Variants in TMIGD2 observed in about 807,000 individuals in gnomAD.
TMIGD2 encodes the protein transmembrane and immunoglobulin domain-containing protein 2.
TMIGD2 carries 18 observed loss-of-function variants against 22.6 expected under a neutral mutation model. The observed-to-expected ratio is 0.80, with a 90% confidence interval of 0.55 to 1.18. The LOEUF (loss-of-function observed/expected upper bound fraction) is 1.18, where lower values mean the gene tolerates loss of function less well. Among genes scored for constraint, TMIGD2 ranks in the 50% most tolerant of loss-of-function variants. TMIGD2 has a pLI of 0.00. For missense variants in TMIGD2, 361 were observed against 378.2 expected (o/e 0.95, Z 0.38); for synonymous variants, 184 against 154.1 (o/e 1.19, Z -1.44).
At chr19:4,294,931 C>T (rs963064202) in intron 2 of TMIGD2, 115 bp from the exon 3 acceptor site, 2 of 1,067,010 alleles carry the variant, frequency 1.9e-6, no homozygotes, top group Non-Finnish European at 2.6e-6. Context: ...TGGATTTGGG[C>T]AAGTGTTCAC....
chr19:4,295,227 C>G (rs951689205), intron 2 of TMIGD2, among the ~76,000 whole-genome samples: 1 of 130,058 alleles, frequency 7.7e-6, no homozygotes, highest in Non-Finnish European at 1.5e-5. Context: ...TGTCACTACG[C>G]TCCAGCCTGG....
intron 1 of TMIGD2, among the ~76,000 whole-genome samples, chr19:4,299,208 C>T (rs1055562866): frequency 6.6e-6 from 1 of 151,850 alleles, no homozygotes; most frequent in Non-Finnish European, 1.5e-5. Context: ...GCAGTGGCAC[C>T]ATCACAGCTC....
Position 4,292,489 on chromosome 19 carries a change from G to A in TMIGD2, c.*110C>T, listed in dbSNP as rs572970606. On this transcript the variant is annotated 3_prime_UTR_variant, in exon 5 of 5. Coordinates refer to ENST00000301272, the Ensembl canonical transcript of TMIGD2. ...TGACCTCAAGTGTTCCACCCGCCTC[G>A]GCTTCCCAAACTGCTGGGATTACAG... 21 of 1,148,076 alleles carry A rather than the reference G, an allele frequency of 1.8e-5. No homozygotes were observed. The Admixed American group carries it at 3.2e-4, about 17-fold the overall frequency. 71.1% of individuals were successfully genotyped at this position (1,148,076 alleles called of 1,614,324 possible). A position where few individuals can be genotyped will look rare whatever the true frequency, so the allele number is the denominator to read the frequency against.
At chr19:4,297,875 G>T in intron 2 of TMIGD2, 111 bp downstream of exon 2, 11 of 1,268,168 alleles carry the variant, frequency 8.7e-6, no homozygotes, top group South Asian at 3.6e-5. Context: ...AAAAAAAAAA[G>T]TTTGATATGA....
At chr19:4,294,200 T>C (rs928879066) in intron 4 of TMIGD2, among the ~76,000 whole-genome samples, 16 of 152,082 alleles carry the variant, frequency 1.1e-4, no homozygotes, top group African/African-American at 3.9e-4. Context: ...CCCAAGTAGC[T>C]GGTATTACAG....
At chr19:4,293,414 C>A (rs1407380611) in intron 4 of TMIGD2, among the ~76,000 whole-genome samples, 1 of 150,910 alleles carries the variant, frequency 6.6e-6, no homozygotes, top group African/African-American at 2.5e-5. Flanking sequence ...GCCCCCGCTA[C>A]TACGTCTGGC....
At chr19:4,295,421 A>C (rs1172248265) in intron 2 of TMIGD2, among the ~76,000 whole-genome samples, 4 of 150,862 alleles carry the variant, frequency 2.7e-5, no homozygotes, top group African/African-American at 9.8e-5. Flanking sequence ...TTAGCCGGCC[A>C]TGGTGGTGGG....
chr19:4,300,812 C>T (rs1188344078), intron 1 of TMIGD2, among the ~76,000 whole-genome samples: 2 of 152,090 alleles, frequency 1.3e-5, no homozygotes, highest in Non-Finnish European at 1.5e-5. Context: ...GTGGCTGGAG[C>T]AGAGTGAGGA....
rs544113829 is a variant in TMIGD2 at position 4,296,588 on chromosome 19, C to T, written c.406+1398G>A. ...CTCCCTGCTCTCTCACAGCTGCCAACGCACAGCCTGGCGCCTCCACCACCC... is the reference window on the plus strand; with the variant it reads ...CTCCCTGCTCTCTCACAGCTGCCAATGCACAGCCTGGCGCCTCCACCACCC... On this transcript the variant is annotated intron_variant, in intron 2 of 4. Coordinates refer to ENST00000301272, the Ensembl canonical transcript of TMIGD2. 3.3e-5 allele frequency among the ~76,000 whole-genome samples: 5 copies of T among 152,302 alleles called. No homozygotes were observed. In the South Asian group the frequency reaches 6.2e-4, roughly 19 times the overall value.
intron 2 of TMIGD2, 59 bp from the exon 3 acceptor site, chr19:4,294,875 A>T: frequency 6.7e-7 from 1 of 1,483,848 alleles, no homozygotes; most frequent in Non-Finnish European, 9.0e-7. Flanking sequence ...CCAAGGACAG[A>T]GCTCACTTGG....
intron 2 of TMIGD2, 24 bp from the exon 3 acceptor site, chr19:4,294,840 C>T (rs373298963): frequency 9.2e-6 from 14 of 1,524,124 alleles, no homozygotes; most frequent in South Asian, 6.6e-5. Flanking sequence ...ATCTATGTCA[C>T]GGGGGTGCCA....
At chr19:4,295,010 G>C (rs528337913) in intron 2 of TMIGD2, among the ~76,000 whole-genome samples, 194 bp from the exon 3 acceptor site, 1 of 151,754 alleles carries the variant, frequency 6.6e-6, no homozygotes, top group Non-Finnish European at 1.5e-5. Flanking sequence ...CCTGTAATCC[G>C]AGCACTCTGG....
exon 5 of TMIGD2, chr19:4,292,698 GGGGCTGGGGCAGGGTCTC>G (rs763999374): frequency 3.7e-5 from 59 of 1,603,632 alleles, no homozygotes; most frequent in Admixed American, 1.4e-4. Context: ...GGCCGGGCCT[GGGGCTGGGGCAGGGTCTC>G]GGGCTGGGGC....
chr19:4,294,924 A>G, intron 2 of TMIGD2, 108 bp from the exon 3 acceptor site: 1 of 1,194,204 alleles, frequency 8.4e-7, no homozygotes, highest in Non-Finnish European at 1.1e-6. Context: ...GGCTTTGTGG[A>G]TTTGGGCAAG....
intron 4 of TMIGD2, 88 bp downstream of exon 4, chr19:4,294,491 C>A (rs890095444): frequency 7.8e-7 from 1 of 1,274,298 alleles, no homozygotes; most frequent in Admixed American, 1.8e-5. Context: ...ATCCTTCCCC[C>A]AGGCGGGAGC....
intron 1 of TMIGD2, among the ~76,000 whole-genome samples, chr19:4,300,950 A>G (rs1265682484): frequency 6.6e-6 from 1 of 151,186 alleles, no homozygotes; most frequent in Non-Finnish European, 1.5e-5. Context: ...GGGAAGAAAT[A>G]GTCCAATTGA....
intron 4 of TMIGD2, among the ~76,000 whole-genome samples, chr19:4,293,204 A>G (rs367565547): frequency 2.6e-3 from 366 of 141,100 alleles, no homozygotes; most frequent in African/African-American, 8.3e-3. Context: ...CTCGTGATCC[A>G]CCCGCCTCGG....
At chr19:4,299,154 AT>A (rs201111951) in intron 1 of TMIGD2, among the ~76,000 whole-genome samples, 1 of 151,588 alleles carries the variant, frequency 6.6e-6, no homozygotes, top group Admixed American at 6.6e-5. Flanking sequence ...TATTTTTTTA[AT>A]TTTTTTTGAG....
chr19:4,298,360 A>G lies in TMIGD2; in HGVS notation c.47-15T>C. On this transcript the variant is annotated splice_polypyrimidine_tract_variant and intron_variant, in intron 1 of 4. Transcript: ENST00000301272. ...TTCTTGCAGGGCTGGAGGACAGAAG[A>G]GGTAGAGGCGACCTTTCTGACTGTG... 6.5e-7 allele frequency: 1 copy of G among 1,543,168 alleles called. No individual in the cohort carries two copies. The highest frequency in any genetic ancestry group is 8.7e-7 in the Non-Finnish European group (1 of 1,150,124).
Sources: allele counts gnomAD v4.1 joint callset (sites outside exome capture counted in the v4.1 genomes callset), GRCh38; gene constraint gnomAD v4.1.1; transcripts MANE v1.5; gene names NCBI Gene and HGNC (gene_info 2026-07-23, HGNC 2026-07-21).